The following ARHGEF11 variants were observed in gnomAD, a reference collection of about 807,000 sequenced individuals.
ARHGEF11 encodes the protein Rho guanine nucleotide exchange factor 11.
Under a neutral mutation model 193.7 loss-of-function variants are expected in ARHGEF11, and 55 were observed. The observed-to-expected ratio is 0.28, with a 90% confidence interval of 0.23 to 0.36. The LOEUF is 0.36. ARHGEF11 is among the 10% of genes least tolerant of loss of function. The probability of loss-of-function intolerance (pLI) is 1.00; values close to 1 mark genes in which losing one functional copy is unlikely to be tolerated. For synonymous variants in ARHGEF11, 693 were observed against 768.0 expected, an observed-to-expected ratio of 0.90 and a Z score of 1.62; for missense variants, 1,723 against 2,005.6, an observed-to-expected ratio of 0.86 and a Z score of 2.69.
chr1:157,017,724 A>AAAAAAAAG (rs1557960513), intron 1 of ARHGEF11, among the ~76,000 whole-genome samples: 11 of 151,158 alleles, frequency 7.3e-5, no homozygotes, highest in African/African-American at 2.4e-4. Flanking sequence ...AAAAAAAAAA[A>AAAAAAAAG]AAAAAAAGAA....
chr1:156,946,818 C>A, intron 27 of ARHGEF11, 31 bp from the exon 28 acceptor site: 2 of 1,612,678 alleles, frequency 1.2e-6, no homozygotes, highest in Non-Finnish European at 1.7e-6. Flanking sequence ...CGGGGCCAGG[C>A]ATCAAACCCC....
chr1:157,017,057 T>A (rs1336558236), intron 1 of ARHGEF11, among the ~76,000 whole-genome samples: 1 of 152,186 alleles, frequency 6.6e-6, no homozygotes, highest in African/African-American at 2.4e-5. Context: ...GAAGAACTAT[T>A]GATAAAGATG....
Position 156,948,023 on chromosome 1 carries a change from C to T in ARHGEF11, c.2154-67G>A. On this transcript the variant is annotated intron_variant, in intron 24 of 40. Transcript: ENST00000368194. This position sits in a 1 kb window ranked among gnomAD's most constrained non-coding sequence, Gnocchi z 4.2. Reference sequence around the variant, plus strand: ...ACTCACACAGAGGGTTTGGCCCTCCCTCTCCTGCCCGACCTGCTTGCCCCA... The same window carrying T: ...ACTCACACAGAGGGTTTGGCCCTCCTTCTCCTGCCCGACCTGCTTGCCCCA... The T allele has an allele frequency of 6.4e-7, 1 of 1,574,168 alleles. No individual in the cohort carries two copies. Among genetic ancestry groups the T allele is most frequent in the Non-Finnish European group, 8.7e-7 (1 of 1,155,230 alleles).
chr1:156,957,834 C>G lies in ARHGEF11; in HGVS notation c.1503-19G>C. On this transcript the variant is annotated intron_variant, in intron 17 of 40. Transcript: ENST00000368194. Reference sequence around the variant, plus strand: ...CTTGGACCTGGAATGGAAGAAAGAACAGATGACTCAGACTGCAAAGACAGA... The same window carrying G: ...CTTGGACCTGGAATGGAAGAAAGAAGAGATGACTCAGACTGCAAAGACAGA... 1 of 1,613,904 alleles carries G rather than the reference C, an allele frequency of 6.2e-7. No homozygotes were observed. The highest frequency in any genetic ancestry group is 8.5e-7 in the Non-Finnish European group (1 of 1,179,824).
intron 1 of ARHGEF11, among the ~76,000 whole-genome samples, chr1:157,036,117 A>G (rs1314792494): frequency 6.9e-6 from 1 of 144,198 alleles, no homozygotes; most frequent in African/African-American, 2.5e-5. Context: ...ATATATGAAT[A>G]TATATATGAA....
At chr1:157,022,154 T>C (rs1670057755) in intron 1 of ARHGEF11, among the ~76,000 whole-genome samples, 1 of 152,198 alleles carries the variant, frequency 6.6e-6, no homozygotes. Context: ...CTTTCACTAC[T>C]TCTGTGCAAC....
chr1:156,946,021 T>C (rs1658042585), intron 29 of ARHGEF11, 24 bp downstream of exon 29: 1 of 1,591,992 alleles, frequency 6.3e-7, no homozygotes, highest in Non-Finnish European at 8.6e-7. Flanking sequence ...CTGCCTGTGA[T>C]GCCAGCCCCT....
chr1:156,979,327 A>G (rs1663752799), intron 4 of ARHGEF11, 41 bp from the exon 5 acceptor site: 3 of 1,501,398 alleles, frequency 2.0e-6, no homozygotes, highest in Non-Finnish European at 2.8e-6. Flanking sequence ...GGTAATGAAC[A>G]GCTAGGGGAT....
In ARHGEF11 at chr1:156,945,197, C is replaced by A; in HGVS notation, c.2813G>T (p.Gly938Val). The A allele has an allele frequency of 6.2e-7, 1 of 1,613,422 alleles. No homozygotes were observed. The highest frequency in any genetic ancestry group is 1.3e-5 in the African/African-American group (1 of 75,044). Residue 938 changes from glycine to valine, a missense_variant and splice_region_variant, in exon 30 of 41, where the codon GGT (glycine) becomes GTT (valine). Physicochemically the swap from Gly to Val is moderately radical, Grantham distance 109. Around this residue, in one of 5 missense-constraint regions of ARHGEF11, gnomAD observed 491 missense variants for 654.5 expected, o/e 0.75. Coordinates refer to ENST00000368194, the MANE Select transcript of ARHGEF11 (RefSeq NM_198236.3). ...CAGCTTCTCATGCTCAGAGGTGCCA[C>A]CTACCAAAATGGACAGAAGAGATGG... ...LLESIIKHTE[G>V]GTSEHEKLCR...
intron 11 of ARHGEF11, among the ~76,000 whole-genome samples, chr1:156,964,994 TG>T (rs1661497949): frequency 6.6e-6 from 1 of 152,210 alleles, no homozygotes; most frequent in Non-Finnish European, 1.5e-5. Context: ...AAAGATCAAA[TG>T]TTATAGAATG....
chr1:156,943,065 CTTTT>C (rs112741222), intron 32 of ARHGEF11, among the ~76,000 whole-genome samples: 16 of 140,446 alleles, frequency 1.1e-4, no homozygotes, highest in African/African-American at 3.3e-4. Context: ...AGTTATAAAA[CTTTT>C]TTTTTTTTTG....
chr1:157,038,153 G>T (rs924982424), intron 1 of ARHGEF11, among the ~76,000 whole-genome samples: 3 of 150,298 alleles, frequency 2.0e-5, no homozygotes, highest in Non-Finnish European at 4.4e-5. Flanking sequence ...ACCGTCAAGC[G>T]CCACAGATCA....
intron 1 of ARHGEF11, among the ~76,000 whole-genome samples, chr1:157,036,997 A>G (rs822568): frequency 0.48 from 72,329 of 151,774 alleles, 17,648 homozygotes; most frequent in Middle Eastern, 0.67. Context: ...GCATGGGATC[A>G]GGCACCTGTA....
intron 18 of ARHGEF11, 32 bp from the exon 19 acceptor site, chr1:156,956,596 G>A: frequency 1.2e-6 from 2 of 1,612,962 alleles, no homozygotes; most frequent in South Asian, 1.1e-5. Context: ...CTGAATCAGA[G>A]AGCTCAAGTT....
In ARHGEF11 at chr1:156,988,306, C is replaced by T. The variant is rs371907192; in HGVS notation, c.33-2133G>A. ...GAGGGGCTCAGTCCTATTCTTGGTCCCTGCTCTTTACTGTCCTCCTTTCAC... is the reference window on the plus strand; with the variant it reads ...GAGGGGCTCAGTCCTATTCTTGGTCTCTGCTCTTTACTGTCCTCCTTTCAC... On this transcript the variant is annotated intron_variant, in intron 1 of 40. Coordinates refer to ENST00000368194, the MANE Select transcript of ARHGEF11 (RefSeq NM_198236.3). Among the ~76,000 whole-genome samples the T allele has an allele frequency of 1.1e-3, 174 of 152,300 alleles. 4 individuals carry two copies. In the South Asian group the frequency reaches 0.035, roughly 31 times the overall value.
In ARHGEF11 at chr1:156,955,728, C is replaced by G. The variant is rs1185122992; in HGVS notation, c.1743G>C (p.Gly581=). ...TGCTTTGAGAAGAGCTTTTGGGCTT[C>G]CCAATGTATTTGAGGATAGGGTTTC... is the stretch of plus-strand genomic sequence containing the variant. ...KKRNPILKYI[G]KPKSSSQSTF... Residue 581 remains glycine (G), a synonymous_variant, in exon 20 of 41, where the codon GGG becomes GGC. Transcript: ENST00000368194. 1 of 1,614,166 alleles carries G rather than the reference C, an allele frequency of 6.2e-7. No individual in the cohort carries two copies. The highest frequency in any genetic ancestry group is 2.2e-5 in the East Asian group (1 of 44,880).
chr1:156,936,035 T>G lies in ARHGEF11; in HGVS notation c.4654A>C (p.Ser1552Arg), dbSNP rs774194883. ...EDGSDAPLED[S>R]TADAAASPGP is the part of the protein sequence containing the mutation. ...GGTGACGCGGCTGCGTCTGCTGTGC[T>G]GTCTTCCAGGGGGGCGTCAGAGCCT... Residue 1552 changes from serine (S) to arginine (R), a missense_variant, in exon 41 of 41, where the codon AGC becomes CGC. By Grantham distance (110) the Ser-to-Arg change is moderately radical. Around this residue, in one of 5 missense-constraint regions of ARHGEF11, gnomAD observed 360 missense variants for 344.4 expected, o/e 1.05. Transcript: ENST00000368194. The G allele has an allele frequency of 1.2e-6, 2 of 1,613,990 alleles. No homozygotes were observed. Among genetic ancestry groups the G allele is most frequent in the South Asian group, 2.2e-5 (2 of 91,068 alleles).
rs539811298 is a variant in ARHGEF11 at position 156,992,770 on chromosome 1, A to T, written c.33-6597T>A. On this transcript the variant is annotated intron_variant, in intron 1 of 40. Transcript: ENST00000368194. ...AATGAGTGGTGGCAGCCCTCTCCAG[A>T]TGGGCATGTCTTACCTTTCCCAGTC... Among the ~76,000 whole-genome samples the T allele has an allele frequency of 9.9e-5, 15 of 152,268 alleles. No individual in the cohort carries two copies. The South Asian group carries it at 3.1e-3, about 32-fold the overall frequency.
At chr1:156,999,273 CA>C (rs1666923861) in intron 1 of ARHGEF11, among the ~76,000 whole-genome samples, 2 of 152,168 alleles carry the variant, frequency 1.3e-5, no homozygotes, top group Non-Finnish European at 2.9e-5. Flanking sequence ...AGCTAAGTTA[CA>C]TAAGTCGCCC....
Sources: gnomAD v4.1 joint callset for allele counts (sites outside exome capture counted in the v4.1 genomes callset) on GRCh38, gnomAD v4.1.1 for gene constraint, gnomAD v4.1.1 regional missense constraint, Gnocchi (gnomAD v3.1) non-coding constraint, MANE v1.5 for transcripts, NCBI Gene and HGNC (gene_info 2026-07-23, HGNC 2026-07-21) for gene names.